The following NLGN1 variants were observed in gnomAD, a reference collection of about 807,000 sequenced individuals.
NLGN1 encodes neuroligin-1.
NLGN1 carries 12 observed loss-of-function variants against 65.5 expected under a neutral mutation model. The ratio of observed to expected loss-of-function variants is 0.18; its 90% CI spans 0.12 to 0.30. The LOEUF is 0.30. Ranked by LOEUF, NLGN1 falls within the 10% of genes least tolerant of loss-of-function variation. NLGN1 has a pLI of 1.00. For missense variants in NLGN1, 750 were observed against 1,007.1 expected (o/e 0.74, Z 3.46); for synonymous variants, 350 against 359.5 (o/e 0.97, Z 0.30).
At chr3:173,928,177 G>T (rs1447538224) in intron 4 of NLGN1, among the ~76,000 whole-genome samples, 1 of 152,056 alleles carries the variant, frequency 6.6e-6, no homozygotes, top group Non-Finnish European at 1.5e-5. Flanking sequence ...TTATAAATTG[G>T]CTAGTGTTAT....
chr3:173,397,040 C>G (rs1716738038), upstream of NLGN1, among the ~76,000 whole-genome samples: 1 of 152,100 alleles, frequency 6.6e-6, no homozygotes, highest in Non-Finnish European at 1.5e-5. Context: ...AGTCCCTCAC[C>G]CTATCCTCTG....
At chr3:173,861,515 CGTGTGTGTGTGTGTGTGTGT>C (rs145812733) in intron 4 of NLGN1, among the ~76,000 whole-genome samples, 14 of 141,420 alleles carry the variant, frequency 9.9e-5, no homozygotes, top group African/African-American at 2.6e-4. Flanking sequence ...GTAGCTGGCA[CGTGTGTGTGTGTGTGTGTGT>C]GTGTGTGTGT....
intron 2 of NLGN1, among the ~76,000 whole-genome samples, chr3:173,471,626 A>G (rs757449958): frequency 2.0e-5 from 3 of 152,240 alleles, no homozygotes; most frequent in East Asian, 1.9e-4. Context: ...GGGTTAGGAT[A>G]TTGACATATG....
chr3:173,686,095 C>A (rs766827111), intron 3 of NLGN1, among the ~76,000 whole-genome samples: 6 of 151,852 alleles, frequency 4.0e-5, no homozygotes, highest in African/African-American at 1.2e-4. Flanking sequence ...AGTTAAAACC[C>A]AAGGCAAGAA....
At chr3:173,424,100 G>A (rs555741858) in intron 1 of NLGN1, among the ~76,000 whole-genome samples, 1 of 152,324 alleles carries the variant, frequency 6.6e-6, no homozygotes, top group Non-Finnish European at 1.5e-5. Context: ...ATCCTCTGAA[G>A]CAATTGCCTC....
chr3:174,181,211 A>T (rs867722868), intron 4 of NLGN1, among the ~76,000 whole-genome samples: 116 of 152,190 alleles, frequency 7.6e-4, no homozygotes, highest in African/African-American at 2.7e-3. Context: ...CATCAAATAA[A>T]TCATATATGT....
chr3:174,002,397 G>A (rs1415510292), intron 4 of NLGN1, among the ~76,000 whole-genome samples: 2 of 151,946 alleles, frequency 1.3e-5, no homozygotes, highest in East Asian at 3.9e-4. Flanking sequence ...CAAACTGCCG[G>A]GATTATAGGT....
At chr3:174,097,231 AT>A (rs1306744338) in intron 4 of NLGN1, among the ~76,000 whole-genome samples, 29 of 152,166 alleles carry the variant, frequency 1.9e-4, no homozygotes, top group African/African-American at 7.0e-4. Flanking sequence ...TAATGATTTC[AT>A]TTTTATAACT....
Position 173,838,877 on chromosome 3 carries a change from C to T in NLGN1, c.646+31045C>T, listed in dbSNP as rs1429619608. ...AAAAATATGATGAGCAAGCAGTCTA[C>T]GTTTGACTGATGCTTCACATGAAAA... On this transcript the variant is annotated intron_variant, in intron 4 of 6. Coordinates refer to ENST00000457714, the Ensembl canonical transcript of NLGN1. Among the ~76,000 whole-genome samples, 6 of 152,222 alleles carry T rather than the reference C, an allele frequency of 3.9e-5. No individual in the cohort carries two copies. The East Asian group carries it at 5.8e-4, about 15-fold the overall frequency.
At chr3:174,082,628 G>A (rs1742468174) in intron 4 of NLGN1, among the ~76,000 whole-genome samples, 2 of 151,660 alleles carry the variant, frequency 1.3e-5, no homozygotes, top group South Asian at 4.2e-4. Context: ...TAAGATTGGA[G>A]CTTTGTTTTA....
At chr3:174,175,094 T>C (rs1366579777) in intron 4 of NLGN1, among the ~76,000 whole-genome samples, 1 of 152,022 alleles carries the variant, frequency 6.6e-6, no homozygotes, top group African/African-American at 2.4e-5. Flanking sequence ...GAATGATCCA[T>C]GTGCTGAGGA....
chr3:174,277,056 A>T (rs1750718575), intron 5 of NLGN1, among the ~76,000 whole-genome samples: 1 of 151,950 alleles, frequency 6.6e-6, no homozygotes, highest in African/African-American at 2.4e-5. Context: ...CATGGTAAAC[A>T]GTAGGAAATG....
chr3:174,220,244 A>G (rs1738389764), intron 4 of NLGN1, among the ~76,000 whole-genome samples: 1 of 152,148 alleles, frequency 6.6e-6, no homozygotes, highest in Non-Finnish European at 1.5e-5. Flanking sequence ...ATAACAAAGG[A>G]AAGTGGCAGA....
chr3:173,998,145 C>G (rs536006229), intron 4 of NLGN1, among the ~76,000 whole-genome samples: 1 of 152,146 alleles, frequency 6.6e-6, no homozygotes, highest in Non-Finnish European at 1.5e-5. Flanking sequence ...ATACATAGCT[C>G]TTCGTGTGTT....
At chr3:173,474,811 A>T (rs1725912345) in intron 2 of NLGN1, among the ~76,000 whole-genome samples, 1 of 151,888 alleles carries the variant, frequency 6.6e-6, no homozygotes, top group South Asian at 2.1e-4. Context: ...TACAAAAATT[A>T]TCTGGGCATG....
chr3:173,639,503 G>A (rs375928194), intron 3 of NLGN1, among the ~76,000 whole-genome samples: 13 of 152,222 alleles, frequency 8.5e-5, no homozygotes, highest in African/African-American at 3.1e-4. Flanking sequence ...ATAGGGAATA[G>A]CACTGGACAG....
intron 3 of NLGN1, among the ~76,000 whole-genome samples, chr3:173,741,201 A>C (rs1445642743): frequency 6.6e-6 from 1 of 152,162 alleles, no homozygotes; most frequent in African/African-American, 2.4e-5. Context: ...TGCTGCTTGG[A>C]TTCCATTAAG....
At chr3:173,472,493 T>C (rs1405640433) in intron 2 of NLGN1, among the ~76,000 whole-genome samples, 1 of 152,054 alleles carries the variant, frequency 6.6e-6, no homozygotes, top group Non-Finnish European at 1.5e-5. Context: ...TTATATTAAA[T>C]AATTAAAATG....
At chr3:174,087,162 G>T (rs967753715) in intron 4 of NLGN1, among the ~76,000 whole-genome samples, 30 of 152,112 alleles carry the variant, frequency 2.0e-4, no homozygotes, top group African/African-American at 7.2e-4. Flanking sequence ...AAAAAATAAC[G>T]ATTGGGTACT....
Sources: allele counts gnomAD v4.1 joint callset (sites outside exome capture counted in the v4.1 genomes callset), GRCh38; gene constraint gnomAD v4.1.1; transcripts MANE v1.5; gene names NCBI Gene and HGNC (gene_info 2026-07-23, HGNC 2026-07-21).